Variants in ACTR3C observed in about 807,000 individuals in gnomAD.
ACTR3C encodes actin-related protein 3C.
ACTR3C carries 18 observed loss-of-function variants against 26.3 expected under a neutral mutation model. That is an observed-to-expected ratio of 0.68 (90% CI 0.47 to 1.01). The LOEUF (loss-of-function observed/expected upper bound fraction) is 1.01, where lower values mean the gene tolerates loss of function less well. Ranked by LOEUF, ACTR3C falls within the 50% of genes least tolerant of loss-of-function variation. ACTR3C has a pLI of 0.00. For synonymous variants in ACTR3C, 55 were observed against 94.5 expected, an observed-to-expected ratio of 0.58 and a Z score of 2.42; for missense variants, 184 against 250.7, an observed-to-expected ratio of 0.73 and a Z score of 1.80.
At chr7:150,016,456 G>C in the ACTR3C span, among the ~76,000 whole-genome samples, 77 of 152,144 alleles carry the variant, frequency 5.1e-4, no homozygotes, top group African/African-American at 1.6e-3. Context: ...CCCTAATGAG[G>C]GGATGGCCAA....
intron 1 of ACTR3C, among the ~76,000 whole-genome samples, chr7:150,304,573 G>A (rs192727018): frequency 1.1e-4 from 16 of 152,048 alleles, no homozygotes; most frequent in East Asian, 1.9e-4. Context: ...CAGACCCTTC[G>A]ACCTCAGCAT....
At chr7:150,004,613 C>A in the ACTR3C span, 1 of 152,124 alleles carries the variant, frequency 6.6e-6, no homozygotes, top group Admixed American at 6.5e-5. Context: ...GAGCAACCTA[C>A]GGTGGGAAAA....
the ACTR3C span, among the ~76,000 whole-genome samples, chr7:150,091,707 G>A: frequency 0.026 from 3,779 of 143,394 alleles, 173 homozygotes; most frequent in African/African-American, 0.093. Flanking sequence ...TCCTGGCCGG[G>A]CGCGGTGGCT....
At chr7:150,199,724 T>TAAAAAAA in the ACTR3C span, among the ~76,000 whole-genome samples, 2 of 19,132 alleles carry the variant, frequency 1.0e-4, no homozygotes, top group African/African-American at 1.6e-4. Context: ...AATATTTTTA[T>TAAAAAAA]CAAAAAAAAA....
chr7:150,243,997 T>C (rs1485775505), downstream of ACTR3C: 1 of 151,812 alleles, frequency 6.6e-6, no homozygotes, highest in Non-Finnish European at 1.5e-5. Context: ...GTAGGACAAA[T>C]GTTTAGTACT....
chr7:150,041,179 A>T, the ACTR3C span, among the ~76,000 whole-genome samples: 11,273 of 105,284 alleles, frequency 0.11, 14 homozygotes, highest in African/African-American at 0.15. Context: ...TGTTGTTGGG[A>T]TCCCCATTTC....
the ACTR3C span, among the ~76,000 whole-genome samples, chr7:150,103,833 A>G: frequency 6.6e-6 from 1 of 152,020 alleles, no homozygotes; most frequent in African/African-American, 2.4e-5. Flanking sequence ...CTTTTAGAAC[A>G]ACCATTTCTT....
the ACTR3C span, among the ~76,000 whole-genome samples, chr7:150,094,569 G>T: frequency 6.0e-5 from 9 of 150,512 alleles, no homozygotes; most frequent in Admixed American, 5.9e-4. Context: ...GCACCCCTTG[G>T]CACTAACCTA....
chr7:150,251,518 A>G (rs1584831528), intron 6 of ACTR3C, among the ~76,000 whole-genome samples: 1 of 152,164 alleles, frequency 6.6e-6, no homozygotes, highest in Non-Finnish European at 1.5e-5. Context: ...GATTTTCTCT[A>G]TATCACAAGG....
chr7:150,023,334 C>CATACATAGATAT, the ACTR3C span, among the ~76,000 whole-genome samples: 1 of 31,284 alleles, frequency 3.2e-5, no homozygotes, highest in African/African-American at 8.2e-5. Context: ...TACATACATA[C>CATACATAGATAT]ATACATATAT....
At chr7:150,020,113 T>G in the ACTR3C span, among the ~76,000 whole-genome samples, 15 of 152,136 alleles carry the variant, frequency 9.9e-5, no homozygotes, top group Non-Finnish European at 2.2e-4. Context: ...AGTGCAACAA[T>G]GCAAAGGCAT....
At chr7:150,195,007 T>C in the ACTR3C span, among the ~76,000 whole-genome samples, 1 of 151,760 alleles carries the variant, frequency 6.6e-6, no homozygotes, top group Non-Finnish European at 1.5e-5. Context: ...GGCAGGAGAA[T>C]TGTTTCAGTC....
the ACTR3C span, among the ~76,000 whole-genome samples, chr7:150,057,619 AT>A: frequency 6.6e-6 from 1 of 152,128 alleles, no homozygotes; most frequent in African/African-American, 2.4e-5. Flanking sequence ...TTATATCTAC[AT>A]TTTATTAAGT....
the ACTR3C span, among the ~76,000 whole-genome samples, chr7:150,044,334 A>C: frequency 1.3e-5 from 2 of 152,186 alleles, no homozygotes; most frequent in African/African-American, 2.4e-5. Flanking sequence ...AAACCTACAC[A>C]ATGAATTTTA....
chr7:150,138,066 G>C, the ACTR3C span, among the ~76,000 whole-genome samples: 4 of 152,104 alleles, frequency 2.6e-5, no homozygotes, highest in African/African-American at 9.7e-5. Flanking sequence ...CTGAGCATTG[G>C]GTCTCTGTGG....
chr7:149,960,239 CTGAG>C, the ACTR3C span, among the ~76,000 whole-genome samples: 4 of 151,528 alleles, frequency 2.6e-5, no homozygotes, highest in Non-Finnish European at 5.9e-5. Context: ...TCTGAAGTGC[CTGAG>C]TAATAAGGAA....
chr7:150,120,654 A>C, the ACTR3C span, among the ~76,000 whole-genome samples: 2 of 152,190 alleles, frequency 1.3e-5, no homozygotes, highest in Admixed American at 1.3e-4. Flanking sequence ...ATTCTACCAG[A>C]GGTACAAAGA....
At chr7:150,115,941 T>C in the ACTR3C span, among the ~76,000 whole-genome samples, 1 of 152,206 alleles carries the variant, frequency 6.6e-6, no homozygotes, top group African/African-American at 2.4e-5. Flanking sequence ...ATGGCAGAGA[T>C]GAGACTGGAA....
chr7:150,119,259 C>T, the ACTR3C span, among the ~76,000 whole-genome samples: 2 of 152,054 alleles, frequency 1.3e-5, no homozygotes, highest in African/African-American at 2.4e-5. Flanking sequence ...AATGTAAATG[C>T]ACTAAATGCC....
Sources: allele counts gnomAD v4.1 joint callset (sites outside exome capture counted in the v4.1 genomes callset), GRCh38; gene constraint gnomAD v4.1.1; transcripts MANE v1.5; gene names NCBI Gene and HGNC (gene_info 2026-07-23, HGNC 2026-07-21).